Variants in NOC2L observed in about 807,000 individuals in gnomAD.
The protein encoded by NOC2L is NOC2 like nucleolar associated transcriptional repressor, also known as nucleolar complex protein 2 homolog.
In NOC2L, 101 loss-of-function variants were observed where a neutral mutation model predicts 94.2. That is an observed-to-expected ratio of 1.07 (90% CI 0.91 to 1.26). The LOEUF (loss-of-function observed/expected upper bound fraction) is 1.26. Ranked by LOEUF, NOC2L falls within the 50% of genes most tolerant of loss-of-function variation. The pLI, the probability that NOC2L is intolerant of heterozygous loss-of-function variation, is 0.00. For missense variants in NOC2L, 1,076 were observed against 980.1 expected (o/e 1.10, Z -1.31); for synonymous variants, 531 against 413.4 (o/e 1.28, Z -3.45).
At chr1:945,012 A>C (rs1225901505) in intron 18 of NOC2L, 45 bp downstream of exon 18, 1 of 1,613,398 alleles carries the variant, frequency 6.2e-7, no homozygotes, top group South Asian at 1.1e-5. Context: ...CCCTCCCGCC[A>C]GATGGGCTCA....
chr1:954,124 C>G (rs757174831), intron 6 of NOC2L, 42 bp from the exon 7 acceptor site: 3 of 1,595,472 alleles, frequency 1.9e-6, no homozygotes, highest in Admixed American at 3.4e-5. Flanking sequence ...GGCCCCACGG[C>G]TCGGACGCGA....
At chr1:957,643 G>A (rs992054692) in intron 2 of NOC2L, 36 of 231,214 alleles carry the variant, frequency 1.6e-4, no homozygotes, top group African/African-American at 8.0e-4. Context: ...CTAATACCCA[G>A]CACGCAACTT....
At position 948,472 on chromosome 1, in the gene NOC2L, C is replaced by T; in HGVS notation, c.1557+18G>A. The T allele has an allele frequency of 6.3e-7, 1 of 1,593,202 alleles. No individual in the cohort carries two copies. Among genetic ancestry groups the T allele is most frequent in the Non-Finnish European group, 8.6e-7 (1 of 1,161,930 alleles). ...CCCTGGGAACTGCCCAGGCCCCTCC[C>T]CAGGAGGCCAGCCTCACCCGGTACG... is the stretch of plus-strand genomic sequence containing the variant. On this transcript the variant is annotated intron_variant, in intron 13 of 18. Coordinates refer to ENST00000327044, the MANE Select transcript of NOC2L (RefSeq NM_015658.4).
chr1:955,676 C>T (rs534417977), intron 6 of NOC2L, among the ~76,000 whole-genome samples: 1 of 152,366 alleles, frequency 6.6e-6, no homozygotes, highest in South Asian at 2.1e-4. Flanking sequence ...GCACACGCCA[C>T]ACCTTCTGAG....
intron 6 of NOC2L, among the ~76,000 whole-genome samples, chr1:955,262 T>G (rs1417157634): frequency 3.9e-5 from 6 of 152,086 alleles, no homozygotes; most frequent in South Asian, 4.1e-4. Flanking sequence ...ACAGTGCCCC[T>G]GTCTCCTGAG....
chr1:947,732 G>A (rs1021155158), intron 14 of NOC2L, among the ~76,000 whole-genome samples: 6 of 152,178 alleles, frequency 3.9e-5, no homozygotes, highest in African/African-American at 1.2e-4. Flanking sequence ...GGCGGGGCAG[G>A]CCAGGCCTTC....
At chr1:956,290 AG>A in intron 4 of NOC2L, 75 bp from the exon 5 acceptor site, 1 of 1,569,990 alleles carries the variant, frequency 6.4e-7, no homozygotes. Flanking sequence ...GCAGCCCCAG[AG>A]AAAGGCACCC....
At chr1:952,273 T>A in intron 10 of NOC2L, 134 bp from the exon 11 acceptor site, 1 of 1,392,274 alleles carries the variant, frequency 7.2e-7, no homozygotes, top group Non-Finnish European at 9.9e-7. Context: ...TTCCCCCACC[T>A]GCAAGGACCG....
Position 944,227 on chromosome 1 carries a change from C to G in NOC2L, c.*467G>C. On this transcript the variant is annotated 3_prime_UTR_variant, in exon 19 of 19. Coordinates refer to ENST00000327044, the MANE Select transcript of NOC2L (RefSeq NM_015658.4). ...CTCAACACAATGGCCCTGCCTCCCA[C>G]CGCTTTATTTCTTTCGGTTTCGGAT... 1.4e-6 allele frequency: 2 copies of G among 1,466,928 alleles called. No individual in the cohort carries two copies. The highest frequency in any genetic ancestry group is 1.8e-6 in the Non-Finnish European group (2 of 1,110,294). 90.9% of individuals were successfully genotyped at this position (1,466,928 alleles called of 1,614,324 possible).
Position 959,038 on chromosome 1 carries a change from A to G in NOC2L, c.70T>C (p.Phe24Leu), listed in dbSNP as rs749164589. The G allele has an allele frequency of 1.2e-6, 2 of 1,611,878 alleles. No homozygotes were observed. Among genetic ancestry groups the G allele is most frequent in the Non-Finnish European group, 1.7e-6 (2 of 1,179,344 alleles). The change falls in exon 2 of 19, where the codon TTT becomes CTT. Residue 24 changes from phenylalanine (F) to leucine (L), a missense_variant. Phe to Leu is a conservative substitution (Grantham distance 22). Around this residue, in one of 3 missense-constraint regions of NOC2L, gnomAD observed 457 missense variants for 386.0 expected, o/e 1.18. Coordinates refer to ENST00000327044, the MANE Select transcript of NOC2L (RefSeq NM_015658.4). ...GACTCGGATTCGGACTCGGAGTCAA[A>G]GCCCGAAGCTAGGAACTCGTCCACC... ...LTVDEFLASG[F>L]DSESESESEN... is the part of the protein sequence containing the mutation.
In NOC2L at chr1:944,872, A is replaced by G. The variant is rs974244075; in HGVS notation, c.2144-72T>C. ...AAGCCAGCCTTAGAGGTTACTCATCACTAATTAATCACGGCACTAATTAAT... is the reference window on the plus strand; with the variant it reads ...AAGCCAGCCTTAGAGGTTACTCATCGCTAATTAATCACGGCACTAATTAAT... On this transcript the variant is annotated intron_variant, in intron 18 of 18. Transcript: ENST00000327044. 95 of 1,301,196 alleles carry G rather than the reference A, an allele frequency of 7.3e-5. No homozygotes were observed. The Middle Eastern group carries it at 2.6e-3, about 36-fold the overall frequency. The allele number at this position is 1,301,196 out of a possible 1,614,324, so 80.6% of individuals were successfully genotyped here.
chr1:953,108 G>A lies in NOC2L; in HGVS notation c.1002+67C>T, dbSNP rs558949398. 27 of 1,189,850 alleles carry A rather than the reference G, an allele frequency of 2.3e-5. No homozygotes were observed. In the African/African-American group the frequency reaches 3.0e-4, roughly 13 times the overall value. 73.7% of individuals were successfully genotyped at this position (1,189,850 alleles called of 1,614,324 possible). On this transcript the variant is annotated intron_variant, in intron 9 of 18. Coordinates refer to ENST00000327044, the MANE Select transcript of NOC2L (RefSeq NM_015658.4). The stretch of plus-strand genomic sequence containing the variant: ...GGGGCACCAACCACAAAGGCAGCCC[G>A]CCCTGCCCTTAGGCCGAGATTTCCA...
chr1:949,752 C>T (rs775853394), intron 12 of NOC2L, among the ~76,000 whole-genome samples: 4 of 152,200 alleles, frequency 2.6e-5, no homozygotes, highest in Non-Finnish European at 5.9e-5. Flanking sequence ...AAGGGCTGGG[C>T]AATCAGAGAC....
In NOC2L at chr1:944,661, G is replaced by A. The variant is rs372226726; in HGVS notation, c.*33C>T. ...AGGTGGAAACACTGGCCACCAGCCC[G>A]GCAGCCCCTACAGGCCCCCCAGATG... On this transcript the variant is annotated 3_prime_UTR_variant, in exon 19 of 19. Coordinates refer to ENST00000327044, the MANE Select transcript of NOC2L (RefSeq NM_015658.4). 2.1e-4 allele frequency: 298 copies of A among 1,389,188 alleles called. 1 individual carries two copies. The highest frequency in any genetic ancestry group is 7.2e-4 in the African/African-American group (51 of 70,546). The allele number at this position is 1,389,188 out of a possible 1,614,324, so 86.1% of individuals were successfully genotyped here.
chr1:952,163 C>T (rs200038800), intron 10 of NOC2L, 24 bp from the exon 11 acceptor site: 3 of 1,612,890 alleles, frequency 1.9e-6, no homozygotes, highest in Non-Finnish European at 2.5e-6. Flanking sequence ...ACCACGTCAG[C>T]TACTGGCCAG....
In NOC2L at chr1:945,504, C is replaced by A. The variant is rs984235658; in HGVS notation, c.2053+14G>T. The A allele has an allele frequency of 6.2e-7, 1 of 1,612,980 alleles. No homozygotes were observed. The highest frequency in any genetic ancestry group is 8.5e-7 in the Non-Finnish European group (1 of 1,179,708). ...AGGCCCACCCTTCCCCTGGGAGCACCACGCAGGCCCCACCTCTCTCCGAGA... is the reference window on the plus strand; with the variant it reads ...AGGCCCACCCTTCCCCTGGGAGCACAACGCAGGCCCCACCTCTCTCCGAGA... On this transcript the variant is annotated intron_variant, in intron 17 of 18. Coordinates refer to ENST00000327044, the MANE Select transcript of NOC2L (RefSeq NM_015658.4).
chr1:958,268 T>A (rs1043072824), intron 2 of NOC2L: 2 of 161,106 alleles, frequency 1.2e-5, no homozygotes, highest in Non-Finnish European at 2.7e-5. Flanking sequence ...TCTTTTTCTT[T>A]TTGAGATGGA....
chr1:948,441 A>G (rs1270932285), intron 13 of NOC2L, 49 bp downstream of exon 13: 5 of 1,428,160 alleles, frequency 3.5e-6, no homozygotes, highest in Non-Finnish European at 4.9e-6. Context: ...AGCACCCCCA[A>G]CCCCACCCTG....
In NOC2L at chr1:953,141, T is replaced by C. The variant is rs1485555105; in HGVS notation, c.1002+34A>G. 3 of 1,489,840 alleles carry C rather than the reference T, an allele frequency of 2.0e-6. No individual in the cohort carries two copies. The Admixed American group carries it at 5.0e-5, about 25-fold the overall frequency. The allele number at this position is 1,489,840 out of a possible 1,614,324, so 92.3% of individuals were successfully genotyped here. On this transcript the variant is annotated intron_variant, in intron 9 of 18. Coordinates refer to ENST00000327044, the MANE Select transcript of NOC2L (RefSeq NM_015658.4). ...CTTAGGCCGAGATTTCCAATGCAGA[T>C]GCTGAGGGACACAGACGCAGGGCCC...
Sources: allele counts gnomAD v4.1 joint callset (sites outside exome capture counted in the v4.1 genomes callset), GRCh38; gene constraint gnomAD v4.1.1; regional missense constraint gnomAD v4.1.1; transcripts MANE v1.5; gene names NCBI Gene and HGNC (gene_info 2026-07-23, HGNC 2026-07-21).